Variants in ARHGEF26 observed in about 807,000 individuals in gnomAD.
ARHGEF26 encodes Rho guanine nucleotide exchange factor 26.
In ARHGEF26, 59 loss-of-function variants were observed where a neutral mutation model predicts 89.4. The observed-to-expected ratio is 0.66, with a 90% CI of 0.54 to 0.82. The LOEUF is 0.82. Ranked by LOEUF, ARHGEF26 falls within the 40% of genes least tolerant of loss-of-function variation. The pLI is 0.00. For synonymous variants in ARHGEF26, 500 were observed against 428.4 expected (o/e 1.17, Z -2.06); for missense variants, 1,234 against 1,085.6 (o/e 1.14, Z -1.92).
At chr3:154,129,866 T>C (rs1416835735) in intron 4 of ARHGEF26, 147 bp downstream of exon 4, 3 of 988,786 alleles carry the variant, frequency 3.0e-6, no homozygotes, top group Admixed American at 2.9e-5. Context: ...TTCTCGGAAC[T>C]CTGCCCGCAC....
chr3:154,253,330 A>C (rs1718280505), intron 13 of ARHGEF26, 147 bp downstream of exon 13: 2 of 871,376 alleles, frequency 2.3e-6, no homozygotes, highest in African/African-American at 3.4e-5. Flanking sequence ...AAAATGTATG[A>C]TCCTTGCTTT....
chr3:154,167,524 A>G (rs1712122446), intron 6 of ARHGEF26, among the ~76,000 whole-genome samples: 1 of 152,350 alleles, frequency 6.6e-6, no homozygotes, highest in South Asian at 2.1e-4. Context: ...TAGAAATGCC[A>G]TACTAGTCAC....
intron 10 of ARHGEF26, among the ~76,000 whole-genome samples, chr3:154,224,768 A>G (rs1177741684): frequency 6.6e-6 from 1 of 152,198 alleles, no homozygotes; most frequent in Non-Finnish European, 1.5e-5. Flanking sequence ...ATAATCTTTT[A>G]TCTTCGTTTT....
At chr3:154,135,258 G>A (rs771633364) in intron 4 of ARHGEF26, among the ~76,000 whole-genome samples, 4 of 152,032 alleles carry the variant, frequency 2.6e-5, no homozygotes, top group Non-Finnish European at 4.4e-5. Context: ...TTCAGAAATC[G>A]TGATTGGTCT....
chr3:154,154,549 C>T (rs1720213233), intron 6 of ARHGEF26, among the ~76,000 whole-genome samples: 2 of 143,996 alleles, frequency 1.4e-5, no homozygotes, highest in Admixed American at 7.2e-5. Flanking sequence ...CTATTCTTGT[C>T]CCCTCTATCC....
chr3:154,194,524 T>G, intron 8 of ARHGEF26, 120 bp from the exon 9 acceptor site: 1 of 684,732 alleles, frequency 1.5e-6, no homozygotes, highest in Non-Finnish European at 2.5e-6. Flanking sequence ...ATCCTCATAC[T>G]CATCCGTAAT....
At chr3:154,135,095 T>A (rs879430187) in intron 4 of ARHGEF26, among the ~76,000 whole-genome samples, 1 of 152,148 alleles carries the variant, frequency 6.6e-6, no homozygotes, top group African/African-American at 2.4e-5. Flanking sequence ...GCTGGCCTCA[T>A]AGAATGAGAG....
intron 4 of ARHGEF26, among the ~76,000 whole-genome samples, chr3:154,139,045 G>C (rs1245800101): frequency 2.0e-5 from 3 of 152,222 alleles, no homozygotes; most frequent in African/African-American, 7.2e-5. Context: ...TGTCAGAGGA[G>C]GTAATGTGAG....
chr3:154,149,933 A>T (rs1719921531), intron 5 of ARHGEF26, among the ~76,000 whole-genome samples: 1 of 151,836 alleles, frequency 6.6e-6, no homozygotes, highest in Non-Finnish European at 1.5e-5. Context: ...AGTAAAAAAA[A>T]AAAAAACAGG....
intron 9 of ARHGEF26, among the ~76,000 whole-genome samples, chr3:154,207,938 T>A (rs1353571631): frequency 2.6e-5 from 4 of 152,174 alleles, no homozygotes. Flanking sequence ...ATCATGTCCT[T>A]TGCAGGGACA....
chr3:154,219,925 A>C (rs1215015650), intron 10 of ARHGEF26, among the ~76,000 whole-genome samples: 2 of 25,644 alleles, frequency 7.8e-5, no homozygotes, highest in African/African-American at 4.1e-4. Context: ...AAAAAAACAA[A>C]AAACAAAAAA....
At chr3:154,132,888 T>C (rs1239626794) in intron 4 of ARHGEF26, among the ~76,000 whole-genome samples, 1 of 152,094 alleles carries the variant, frequency 6.6e-6, no homozygotes, top group Non-Finnish European at 1.5e-5. Context: ...TAATTTTGAG[T>C]ATAACATTTT....
intron 10 of ARHGEF26, among the ~76,000 whole-genome samples, chr3:154,219,911 C>T (rs1187483769): frequency 3.7e-5 from 1 of 27,348 alleles, no homozygotes; most frequent in African/African-American, 2.0e-4. Context: ...GAGACTCCGT[C>T]TCAAAAAAAA....
chr3:154,172,327 A>T (rs1268922985), intron 6 of ARHGEF26, among the ~76,000 whole-genome samples: 2 of 152,204 alleles, frequency 1.3e-5, no homozygotes, highest in African/African-American at 4.8e-5. Flanking sequence ...TGGAATGTGG[A>T]TGAGTCTTCT....
In ARHGEF26 at chr3:154,124,408, A is replaced by G; in HGVS notation, c.1084-2A>G. 4 of 1,278,654 alleles carry G rather than the reference A, an allele frequency of 3.1e-6. 1 individual carries two copies. The South Asian group carries it at 5.5e-5, about 18-fold the overall frequency. The allele number at this position is 1,278,654 out of a possible 1,614,324, so 79.2% of individuals were successfully genotyped here. A position where few individuals can be genotyped will look rare whatever the true frequency, so the allele number is the denominator to read the frequency against. ...TTTTTTTTACTTTTTTTTGTCTCTT[A>G]GAAAAAAATGCTGAAAGGACAAGGA... On this transcript the variant is annotated splice_acceptor_variant, in intron 2 of 14. Transcript: ENST00000465093. LOFTEE classifies it high-confidence loss of function.
At chr3:154,222,615 CATT>C (rs1048595969) in intron 10 of ARHGEF26, among the ~76,000 whole-genome samples, 9 of 152,210 alleles carry the variant, frequency 5.9e-5, no homozygotes, top group South Asian at 2.1e-4. Context: ...AAGCAGCAAA[CATT>C]GTTGATGTGT....
At chr3:154,180,118 C>T (rs1713089532) in intron 6 of ARHGEF26, among the ~76,000 whole-genome samples, 1 of 152,116 alleles carries the variant, frequency 6.6e-6, no homozygotes, top group Non-Finnish European at 1.5e-5. Flanking sequence ...TGACTCTTAT[C>T]CTCCTGCCTC....
At chr3:154,126,192 T>C (rs1490674767) in intron 3 of ARHGEF26, among the ~76,000 whole-genome samples, 2 of 152,168 alleles carry the variant, frequency 1.3e-5, no homozygotes, top group Non-Finnish European at 2.9e-5. Context: ...TTGAATAGAC[T>C]CCAGTGTTAC....
chr3:154,189,493 ACACC>A (rs902968461), intron 7 of ARHGEF26, among the ~76,000 whole-genome samples: 4 of 151,906 alleles, frequency 2.6e-5, no homozygotes, highest in African/African-American at 9.7e-5. Context: ...GCATGCCACC[ACACC>A]CAGTTAATTT....
Sources: allele counts gnomAD v4.1 joint callset (sites outside exome capture counted in the v4.1 genomes callset), GRCh38; gene constraint gnomAD v4.1.1; transcripts MANE v1.5; gene names NCBI Gene and HGNC (gene_info 2026-07-23, HGNC 2026-07-21).